The following COL19A1 variants were observed in gnomAD, a reference collection of about 807,000 sequenced individuals.
COL19A1 encodes the protein collagen alpha-1(XIX) chain.
In COL19A1, 159 loss-of-function variants were observed where a neutral mutation model predicts 190.2. The observed-to-expected ratio is 0.84, with a 90% confidence interval of 0.73 to 0.95. The LOEUF (loss-of-function observed/expected upper bound fraction) is 0.95, where lower values mean the gene tolerates loss of function less well. COL19A1 is among the 40% of genes least tolerant of loss of function. COL19A1 has a pLI of 0.00. For synonymous variants in COL19A1, 509 were observed against 458.9 expected (o/e 1.11, Z -1.39); for missense variants, 1,418 against 1,431.9 (o/e 0.99, Z 0.16).
At chr6:70,126,802 G>A (rs1785226047) in intron 17 of COL19A1, among the ~76,000 whole-genome samples, 1 of 152,202 alleles carries the variant, frequency 6.6e-6, no homozygotes, top group African/African-American at 2.4e-5. Context: ...GCACTAGGGA[G>A]GAATATCTTC....
intron 18 of COL19A1, among the ~76,000 whole-genome samples, chr6:70,137,272 G>C (rs1450828430): frequency 6.6e-6 from 1 of 151,942 alleles, no homozygotes; most frequent in Non-Finnish European, 1.5e-5. Flanking sequence ...CCTAAACAAA[G>C]AAAAAAGTGC....
At chr6:70,189,377 G>T (rs151029793) in intron 47 of COL19A1, among the ~76,000 whole-genome samples, 1 of 152,086 alleles carries the variant, frequency 6.6e-6, no homozygotes, top group Non-Finnish European at 1.5e-5. Flanking sequence ...GTGATTTTCC[G>T]TAGAGCTTCC....
At chr6:70,131,075 G>A (rs1249788698) in intron 18 of COL19A1, 1 of 461,766 alleles carries the variant, frequency 2.2e-6, no homozygotes, top group East Asian at 7.1e-5. Flanking sequence ...TAGCTGTAAA[G>A]ATGACAGATT....
At chr6:70,008,478 A>G (rs183540334) in intron 11 of COL19A1, among the ~76,000 whole-genome samples, 1 of 152,064 alleles carries the variant, frequency 6.6e-6, no homozygotes, top group Non-Finnish European at 1.5e-5. Context: ...AAAATTACCA[A>G]AACTGACTCA....
intron 11 of COL19A1, among the ~76,000 whole-genome samples, chr6:69,969,706 T>G (rs1775314851): frequency 6.6e-6 from 1 of 152,186 alleles, no homozygotes; most frequent in African/African-American, 2.4e-5. Context: ...TCCTTTTTTA[T>G]AAGGGACTTG....
chr6:70,030,596 T>C (rs1426839832), intron 12 of COL19A1, among the ~76,000 whole-genome samples: 1 of 152,218 alleles, frequency 6.6e-6, no homozygotes, highest in Non-Finnish European at 1.5e-5. Flanking sequence ...CGTTCAATAA[T>C]ATTTGTTGAG....
Position 70,149,723 on chromosome 6 carries a change from G to T in COL19A1, c.1913G>T (p.Gly638Val). 1.2e-6 allele frequency: 2 copies of T among 1,613,560 alleles called. No homozygotes were observed. Among genetic ancestry groups the T allele is most frequent in the East Asian group, 2.2e-5 (1 of 44,836 alleles). Residue 638 changes from glycine (G) to valine (V), a missense_variant, in exon 28 of 51, where the codon GGA (glycine) becomes GTA (valine). Gly to Val is a moderately radical substitution (Grantham distance 109, BLOSUM62 -3). Coordinates refer to ENST00000620364, the MANE Select transcript of COL19A1 (RefSeq NM_001858.6). ...ACTCAGGGCGCCCAAGGACCAGCTG[G>T]AGAGCCAGGTATTCAGGTAAGCTAT... ...PGRTGAQGPAGEPGIQGPRGL... is the reference protein window; with the variant it reads ...PGRTGAQGPAVEPGIQGPRGL...
intron 49 of COL19A1, among the ~76,000 whole-genome samples, chr6:70,200,839 C>T (rs1767503764): frequency 6.6e-6 from 1 of 152,062 alleles, no homozygotes; most frequent in Non-Finnish European, 1.5e-5. Context: ...CCATGATTGC[C>T]AAGTCTTTGC....
At chr6:70,102,736 A>G (rs866104854) in intron 16 of COL19A1, among the ~76,000 whole-genome samples, 5 of 152,148 alleles carry the variant, frequency 3.3e-5, no homozygotes, top group Middle Eastern at 3.2e-3. Flanking sequence ...GAAAAAAAAA[A>G]TATTCAATTT....
chr6:70,075,331 T>G (rs1781819709), intron 15 of COL19A1, among the ~76,000 whole-genome samples: 1 of 152,204 alleles, frequency 6.6e-6, no homozygotes, highest in Non-Finnish European at 1.5e-5. Flanking sequence ...TATCCCTGCA[T>G]CTCTGTTTGC....
chr6:70,072,747 C>T (rs577796298), intron 15 of COL19A1, among the ~76,000 whole-genome samples: 1 of 152,196 alleles, frequency 6.6e-6, no homozygotes, highest in African/African-American at 2.4e-5. Flanking sequence ...GAACATCAAC[C>T]TACCTACCCC....
At chr6:70,101,131 G>T (rs996683691) in intron 15 of COL19A1, among the ~76,000 whole-genome samples, 27 of 152,066 alleles carry the variant, frequency 1.8e-4, no homozygotes. Context: ...GCATTGAAAA[G>T]ATCAACCTAA....
chr6:69,999,626 G>T (rs1777126873), intron 11 of COL19A1, among the ~76,000 whole-genome samples: 1 of 152,112 alleles, frequency 6.6e-6, no homozygotes, highest in Non-Finnish European at 1.5e-5. Context: ...GGAAGGGATG[G>T]AATGAAGAAA....
At chr6:69,994,502 G>A (rs192567291) in intron 11 of COL19A1, among the ~76,000 whole-genome samples, 1 of 152,100 alleles carries the variant, frequency 6.6e-6, no homozygotes, top group Non-Finnish European at 1.5e-5. Flanking sequence ...GGATTCCCAG[G>A]CAACAGCTGT....
chr6:70,152,031 T>A (rs955374023), intron 31 of COL19A1, among the ~76,000 whole-genome samples: 11 of 144,852 alleles, frequency 7.6e-5, no homozygotes, highest in African/African-American at 2.1e-4. Context: ...TTTTTTTTTT[T>A]ATCTCTAACA....
chr6:70,113,624 A>T (rs989187900), intron 16 of COL19A1, among the ~76,000 whole-genome samples: 1 of 152,124 alleles, frequency 6.6e-6, no homozygotes, highest in African/African-American at 2.4e-5. Context: ...GCATTATTGA[A>T]ACCTCAAAAG....
chr6:70,176,667 T>A, intron 42 of COL19A1, 103 bp downstream of exon 42: 1 of 1,003,830 alleles, frequency 1.0e-6, no homozygotes, highest in Non-Finnish European at 1.4e-6. Context: ...ATACCATAAC[T>A]CCCATGGCAT....
At chr6:70,003,533 C>T (rs551065337) in intron 11 of COL19A1, among the ~76,000 whole-genome samples, 4 of 152,014 alleles carry the variant, frequency 2.6e-5, no homozygotes, top group African/African-American at 4.8e-5. Flanking sequence ...TCTAAGAACT[C>T]GTTTTATGAA....
intron 1 of COL19A1, among the ~76,000 whole-genome samples, chr6:69,877,738 A>G (rs930885248): frequency 2.0e-5 from 3 of 152,150 alleles, no homozygotes; most frequent in Non-Finnish European, 4.4e-5. Context: ...TGGGCAAAGG[A>G]GGCTGGGCAT....
Sources: allele counts gnomAD v4.1 joint callset (sites outside exome capture counted in the v4.1 genomes callset), GRCh38; gene constraint gnomAD v4.1.1; transcripts MANE v1.5; gene names NCBI Gene and HGNC (gene_info 2026-07-23, HGNC 2026-07-21).